Variants in FASTKD3 observed in about 807,000 individuals in gnomAD.
The protein encoded by FASTKD3 is FAST kinase domains 3.
In FASTKD3, 47 loss-of-function variants were observed where a neutral mutation model predicts 49.7. That is an observed-to-expected ratio of 0.95 (90% CI 0.75 to 1.21). The LOEUF (loss-of-function observed/expected upper bound fraction) is 1.21. Ranked by LOEUF, FASTKD3 falls within the 50% of genes most tolerant of loss-of-function variation. The pLI is 0.00. For synonymous variants in FASTKD3, 284 were observed against 288.6 expected, an observed-to-expected ratio of 0.98 and a Z score of 0.16; for missense variants, 748 against 765.7, an observed-to-expected ratio of 0.98 and a Z score of 0.27.
Position 7,861,658 on chromosome 5 carries a change from G to A in FASTKD3, c.1700-6C>T. ...ATCTAATTTAATTTCAACATCTGGT[G>A]AGAGAAGAAAGGAAAAATTCCTCGT... On this transcript the variant is annotated splice_region_variant and splice_polypyrimidine_tract_variant and intron_variant, in intron 4 of 6. Coordinates refer to ENST00000264669, the MANE Select transcript of FASTKD3 (RefSeq NM_024091.4). The A allele has an allele frequency of 6.2e-7, 1 of 1,607,340 alleles. No homozygotes were observed. Among genetic ancestry groups the A allele is most frequent in the Non-Finnish European group, 8.5e-7 (1 of 1,176,308 alleles).
intron 6 of FASTKD3, 28 bp from the exon 7 acceptor site, chr5:7,859,567 C>A: frequency 7.2e-7 from 1 of 1,398,048 alleles, no homozygotes; most frequent in South Asian, 1.2e-5. Flanking sequence ...TAAAACTGGT[C>A]AAGATCCTTC....
At chr5:7,863,045 A>G in intron 3 of FASTKD3, 48 bp from the exon 4 acceptor site, 1 of 1,507,776 alleles carries the variant, frequency 6.6e-7, no homozygotes, top group Middle Eastern at 1.7e-4. Context: ...AAGATATAAC[A>G]ACAGAGAATA....
In FASTKD3 at chr5:7,861,256, G is replaced by C; in HGVS notation, c.1777C>G (p.Leu593Val). The change falls in exon 6 of 7, where the codon CTG (leucine) becomes GTG (valine). Residue 593 changes from leucine (L) to valine (V), a missense_variant. Leu to Val is a conservative substitution (Grantham distance 32). Transcript: ENST00000264669. Reference sequence around the variant, plus strand: ...AACCTTTTTGGACCATCAATACACAGTGCTATCCTGAAAAATAAAAAAGGA... The same window carrying C: ...AACCTTTTTGGACCATCAATACACACTGCTATCCTGAAAAATAAAAAAGGA... ...ANEDIHKRIA[L>V]CIDGPKRFCS... 5.9e-6 allele frequency: 9 copies of C among 1,519,154 alleles called. No homozygotes were observed. The highest frequency in any genetic ancestry group is 4.6e-5 in the East Asian group (2 of 43,686). 94.1% of individuals were successfully genotyped at this position (1,519,154 alleles called of 1,614,324 possible). A position where few individuals can be genotyped will look rare whatever the true frequency, so the allele number is the denominator to read the frequency against.
chr5:7,860,855 C>A (rs1746486573), intron 6 of FASTKD3, among the ~76,000 whole-genome samples: 1 of 152,206 alleles, frequency 6.6e-6, no homozygotes. Context: ...ATCTCACAAA[C>A]TAATAATTAT....
At chr5:7,866,588 A>ACCACTG in intron 2 of FASTKD3, 58 bp downstream of exon 2, 1 of 1,309,064 alleles carries the variant, frequency 7.6e-7, no homozygotes, top group Non-Finnish European at 1.1e-6. Flanking sequence ...GTGACTTGAA[A>ACCACTG]CCACTGCCAG....
Position 7,861,175 on chromosome 5 carries a change from G to C in FASTKD3, c.1858C>G (p.Gln620Glu). The change falls in exon 6 of 7, where the codon CAG becomes GAG. Residue 620 changes from glutamine to glutamate, a missense_variant. Transcript: ENST00000264669. ...TGAACAACTTGATAACCGAGTAACTGTAGGTGTCTTTGTTTAATAGCTTCT... is the reference window on the plus strand; with the variant it reads ...TGAACAACTTGATAACCGAGTAACTCTAGGTGTCTTTGTTTAATAGCTTCT... ...GKEAIKQRHL[Q>E]LLGYQVVQIP... 1 of 1,610,734 alleles carries C rather than the reference G, an allele frequency of 6.2e-7. No homozygotes were observed. The highest frequency in any genetic ancestry group is 8.5e-7 in the Non-Finnish European group (1 of 1,177,664).
Position 7,866,838 on chromosome 5 carries a change from C to G in FASTKD3, c.1246G>C (p.Gly416Arg), listed in dbSNP as rs772706206. 1 of 1,614,002 alleles carries G rather than the reference C, an allele frequency of 6.2e-7. No homozygotes were observed. Among genetic ancestry groups the G allele is most frequent in the Non-Finnish European group, 8.5e-7 (1 of 1,179,994 alleles). Residue 416 changes from glycine (G) to arginine (R), a missense_variant, in exon 2 of 7, where the codon GGG becomes CGG. By Grantham distance (125) the Gly-to-Arg change is moderately radical. Coordinates refer to ENST00000264669, the MANE Select transcript of FASTKD3 (RefSeq NM_024091.4). ...TTTGGTGGCAAATAATTGAGTTTCC[C>G]AAATGGTTCCATTAAGGCAGAAATC... ...RQISALMEPF[G>R]KLNYLPPNAS...
At chr5:7,861,709 C>T (rs777891958) in intron 4 of FASTKD3, 57 bp from the exon 5 acceptor site, 1 of 1,571,040 alleles carries the variant, frequency 6.4e-7, no homozygotes, top group Admixed American at 1.8e-5. Flanking sequence ...ACACTATCTT[C>T]CTGTATTCAT....
At position 7,868,992 on chromosome 5, in the gene FASTKD3, G is replaced by GCAAT; in HGVS notation, c.-131_-128dup. On this transcript the variant is annotated 5_prime_UTR_variant, in exon 1 of 7. Coordinates refer to ENST00000264669, the MANE Select transcript of FASTKD3 (RefSeq NM_024091.4). ...GTTGACACCTACCGCGCTCTGCCGG[G>GCAAT]CAATCACTCCGGGTGGTCGCGGAAG... is the stretch of plus-strand genomic sequence containing the variant. 1 of 948,972 alleles carries GCAAT rather than the reference G, an allele frequency of 1.1e-6. No individual in the cohort carries two copies. The highest frequency in any genetic ancestry group is 2.7e-4 in the Middle Eastern group (1 of 3,692). The allele number at this position is 948,972 out of a possible 1,614,324, so 58.8% of individuals were successfully genotyped here. A position where few individuals can be genotyped will look rare whatever the true frequency, so the allele number is the denominator to read the frequency against.
chr5:7,860,589 C>T (rs1159183346), intron 6 of FASTKD3, among the ~76,000 whole-genome samples: 1 of 152,066 alleles, frequency 6.6e-6, no homozygotes, highest in Non-Finnish European at 1.5e-5. Flanking sequence ...AGATTTAAGC[C>T]GAATTAACAA....
Position 7,867,323 on chromosome 5 carries a change from T to G in FASTKD3, c.761A>C (p.Glu254Ala). The change falls in exon 2 of 7, where the codon GAG becomes GCG. Residue 254 changes from glutamate to alanine, a missense_variant. Coordinates refer to ENST00000264669, the MANE Select transcript of FASTKD3 (RefSeq NM_024091.4). ...GATTCTATAAAGGGCCACAATATCC[T>G]CCGGGGTAAATGTTTCCAATTTTTC... The part of the protein sequence containing the change: ...QGEKLETFTP[E>A]DIVALYRILQ... 1.2e-6 allele frequency: 2 copies of G among 1,614,006 alleles called. No homozygotes were observed. The highest frequency in any genetic ancestry group is 1.7e-6 in the Non-Finnish European group (2 of 1,180,028).
chr5:7,859,994 G>C (rs755174784), intron 6 of FASTKD3, among the ~76,000 whole-genome samples: 7 of 152,140 alleles, frequency 4.6e-5, no homozygotes, highest in African/African-American at 7.2e-5. Context: ...AAGAGGGAGA[G>C]AGCAGGAGGC....
rs754653963 is a variant in FASTKD3 at position 7,868,049 on chromosome 5, C to A, written c.35G>T (p.Arg12Leu). Residue 12 changes from arginine (R) to leucine (L), a missense_variant, in exon 2 of 7, where the codon CGT becomes CTT. This residue lies in a region of FASTKD3 where 564 missense variants were observed against 562.8 expected (regional missense o/e 1.00). Coordinates refer to ENST00000264669, the MANE Select transcript of FASTKD3 (RefSeq NM_024091.4). ...ALITLRKNLY[R>L]LSDFQMHRAL... ...TCTATGCATCTGAAAATCAGATAAACGATAAAGGTTCTTCCTCAAGGTGAT... is the reference window on the plus strand; with the variant it reads ...TCTATGCATCTGAAAATCAGATAAAAGATAAAGGTTCTTCCTCAAGGTGAT... The A allele has an allele frequency of 8.1e-6, 13 of 1,612,080 alleles. 1 individual carries two copies. The South Asian group carries it at 1.3e-4, about 16-fold the overall frequency.
At chr5:7,861,522 T>C in intron 5 of FASTKD3, 61 bp downstream of exon 5, 1 of 1,199,490 alleles carries the variant, frequency 8.3e-7, no homozygotes, top group South Asian at 2.3e-5. Context: ...GAGAAAAAGA[T>C]ACCGCTGCTT....
chr5:7,865,418 T>C (rs1361088480), intron 3 of FASTKD3, among the ~76,000 whole-genome samples: 1 of 152,182 alleles, frequency 6.6e-6, no homozygotes, highest in East Asian at 1.9e-4. Flanking sequence ...TGATAGGTAA[T>C]AGGATAAATC....
chr5:7,860,153 C>T (rs1489503783), intron 6 of FASTKD3, among the ~76,000 whole-genome samples: 2 of 151,968 alleles, frequency 1.3e-5, no homozygotes, highest in Non-Finnish European at 2.9e-5. Context: ...AGTAAAGAAA[C>T]ATTGAAGCTT....
In FASTKD3 at chr5:7,862,938, C is replaced by T; in HGVS notation, c.1584G>A (p.Leu528=). The T allele has an allele frequency of 1.2e-6, 2 of 1,613,998 alleles. No individual in the cohort carries two copies. Among genetic ancestry groups the T allele is most frequent in the South Asian group, 1.1e-5 (1 of 91,082 alleles). Reference sequence around the variant, plus strand: ...AAAGCTGAGAATCCACAGGGGTCTCCAGGGAACAGCATGGGGTAAGAAATG... The same window carrying T: ...AAAGCTGAGAATCCACAGGGGTCTCTAGGGAACAGCATGGGGTAAGAAATG... ...VKSFLTPCCS[L]ETPVDSQLYR... The change falls in exon 4 of 7, where the codon CTG becomes CTA. Residue 528 remains leucine, a synonymous_variant. Transcript: ENST00000264669.
intron 5 of FASTKD3, 152 bp from the exon 6 acceptor site, chr5:7,861,415 T>C: frequency 3.3e-6 from 2 of 605,934 alleles, no homozygotes; most frequent in Non-Finnish European, 5.3e-6. Flanking sequence ...CTTATTAATA[T>C]TAATGTTTAT....
rs374174551 is a variant in FASTKD3 at position 7,867,274 on chromosome 5, C to T, written c.810G>A (p.Val270=). 3.5e-5 allele frequency: 57 copies of T among 1,613,756 alleles called. No individual in the cohort carries two copies. In the East Asian group the frequency reaches 4.2e-4, roughly 12 times the overall value. ...TATTTAAAAATGTTTGGTGTTCATCCACTTTTTCAGTACATGCCTGCAAGA... is the reference window on the plus strand; with the variant it reads ...TATTTAAAAATGTTTGGTGTTCATCTACTTTTTCAGTACATGCCTGCAAGA... ...YRILQACTEK[V]DEHQTFLNKI... Residue 270 remains valine, a synonymous_variant, in exon 2 of 7, where the codon GTG becomes GTA. Transcript: ENST00000264669.
Sources: gnomAD v4.1 joint callset for allele counts (sites outside exome capture counted in the v4.1 genomes callset) on GRCh38, gnomAD v4.1.1 for gene constraint, gnomAD v4.1.1 regional missense constraint, MANE v1.5 for transcripts, NCBI Gene and HGNC (gene_info 2026-07-23, HGNC 2026-07-21) for gene names.